The following COL24A1 variants were observed in gnomAD, a reference collection of about 807,000 sequenced individuals.
COL24A1 encodes the protein collagen type XXIV alpha 1 chain, also known as collagen alpha-1(XXIV) chain.
In COL24A1, 224 loss-of-function variants were observed where a neutral mutation model predicts 253.9. The ratio of observed to expected loss-of-function variants is 0.88; its 90% CI spans 0.79 to 0.99. The LOEUF is 0.99. Among genes scored for constraint, COL24A1 ranks in the 50% least tolerant of loss-of-function variants. The pLI is 0.00. For missense variants in COL24A1, 2,131 were observed against 2,068.5 expected, an observed-to-expected ratio of 1.03 and a Z score of -0.59; for synonymous variants, 685 against 673.7, an observed-to-expected ratio of 1.02 and a Z score of -0.26.
At chr1:86,019,395 T>A (rs1245594913) in intron 18 of COL24A1, among the ~76,000 whole-genome samples, 1 of 14,752 alleles carries the variant, frequency 6.8e-5, no homozygotes, top group Non-Finnish European at 1.0e-4. Flanking sequence ...GTTTCTACAA[T>A]TTTTTTTTTT....
chr1:86,061,385 T>A (rs190115935), intron 8 of COL24A1, among the ~76,000 whole-genome samples: 23 of 152,234 alleles, frequency 1.5e-4, no homozygotes, highest in Admixed American at 1.0e-3. Context: ...TGTAGGCCAC[T>A]ATCTATCTGG....
intron 12 of COL24A1, among the ~76,000 whole-genome samples, chr1:86,043,395 A>AAAATT (rs1239518530): frequency 6.6e-6 from 1 of 152,162 alleles, no homozygotes; most frequent in Non-Finnish European, 1.5e-5. Flanking sequence ...ATTAATTTAA[A>AAAATT]AAATTAAGGG....
intron 43 of COL24A1, among the ~76,000 whole-genome samples, chr1:85,833,249 C>G (rs1675559084): frequency 6.6e-6 from 1 of 152,048 alleles, no homozygotes; most frequent in Non-Finnish European, 1.5e-5. Context: ...CCAGAATCTA[C>G]AATGAACTCA....
chr1:86,035,246 C>T (rs1054402552), intron 12 of COL24A1, among the ~76,000 whole-genome samples: 3 of 152,198 alleles, frequency 2.0e-5, no homozygotes, highest in East Asian at 1.9e-4. Flanking sequence ...ATTTTACTTT[C>T]GTTGTCTTTG....
At chr1:86,097,865 C>T (rs1704130202) in intron 5 of COL24A1, among the ~76,000 whole-genome samples, 1 of 152,002 alleles carries the variant, frequency 6.6e-6, no homozygotes, top group African/African-American at 2.4e-5. Context: ...AACTCCAGAT[C>T]CAAATCCTAT....
chr1:85,819,500 A>G (rs542233015), intron 45 of COL24A1, among the ~76,000 whole-genome samples: 26 of 152,266 alleles, frequency 1.7e-4, no homozygotes, highest in African/African-American at 4.1e-4. Context: ...AAATAGTCCA[A>G]TGAAACTCAT....
rs367868871 is a variant in COL24A1 at position 85,734,911 on chromosome 1, C to T, written c.4836G>A (p.Ser1612=). 76 of 1,614,028 alleles carry T rather than the reference C, an allele frequency of 4.7e-5. No individual in the cohort carries two copies. Among genetic ancestry groups the T allele is most frequent in the African/African-American group, 3.5e-4 (26 of 74,908 alleles). Residue 1612 remains serine, a synonymous_variant, in exon 59 of 60, where the codon TCG becomes TCA. Transcript: ENST00000370571. ...VQMNFLHLLS[S]EATHIITIHC... ...GAATGGTGATGATATGGGTGGCTTCCGAACTCAGTAAATGAAGGAAGTTCA... is the reference window on the plus strand; with the variant it reads ...GAATGGTGATGATATGGGTGGCTTCTGAACTCAGTAAATGAAGGAAGTTCA...
At chr1:86,081,471 T>A (rs1317512386) in intron 7 of COL24A1, among the ~76,000 whole-genome samples, 2 of 152,212 alleles carry the variant, frequency 1.3e-5, no homozygotes, top group Admixed American at 1.3e-4. Context: ...CAGCTATTTG[T>A]TTTAAAATTC....
At chr1:85,775,353 T>G (rs1570561888) in intron 53 of COL24A1, among the ~76,000 whole-genome samples, 2 of 152,160 alleles carry the variant, frequency 1.3e-5, no homozygotes, top group South Asian at 4.1e-4. Flanking sequence ...TTCTGTTGAT[T>G]TGGGGTGGAG....
chr1:86,149,149 C>T (rs1652371932), intron 1 of COL24A1, among the ~76,000 whole-genome samples: 1 of 152,188 alleles, frequency 6.6e-6, no homozygotes. Flanking sequence ...CCTGCTTCAG[C>T]CTCCCAAAGT....
At chr1:85,831,790 C>G (rs1675321080) in intron 43 of COL24A1, among the ~76,000 whole-genome samples, 2 of 151,974 alleles carry the variant, frequency 1.3e-5, no homozygotes, top group Non-Finnish European at 2.9e-5. Flanking sequence ...TCTGACAGAA[C>G]ATGTTAGGTA....
At chr1:86,122,457 A>T (rs1477660621) in intron 3 of COL24A1, among the ~76,000 whole-genome samples, 1 of 151,996 alleles carries the variant, frequency 6.6e-6, no homozygotes, top group Non-Finnish European at 1.5e-5. Flanking sequence ...GTCAATAGAA[A>T]TACTCCCAAA....
rs1682885272 is a variant in COL24A1, at chr1:85,889,592, T to G, written c.2944A>C (p.Ser982Arg). 6.2e-7 allele frequency: 1 copy of G among 1,613,322 alleles called. No homozygotes were observed. Among genetic ancestry groups the G allele is most frequent in the African/African-American group, 1.3e-5 (1 of 75,014 alleles). The change falls in exon 32 of 60, where the codon AGT becomes CGT. Residue 982 changes from serine to arginine, a missense_variant. Physicochemically the swap from Ser to Arg is moderately radical, Grantham distance 110. Coordinates refer to ENST00000370571, the MANE Select transcript of COL24A1 (RefSeq NM_152890.7). Reference sequence around the variant, plus strand: ...CCTGGAAGTCCTCTGTCACCTGTACTTCCAGGCAATCCCTGTAAACCCTGG... The same window carrying G: ...CCTGGAAGTCCTCTGTCACCTGTACGTCCAGGCAATCCCTGTAAACCCTGG... Reference protein sequence around the residue: ...GKPGLQGLPGSTGDRGLPGEP... With the variant: ...GKPGLQGLPGRTGDRGLPGEP...
intron 24 of COL24A1, among the ~76,000 whole-genome samples, chr1:85,922,354 GAC>G (rs1686615991): frequency 6.6e-6 from 1 of 152,078 alleles, no homozygotes; most frequent in Non-Finnish European, 1.5e-5. Flanking sequence ...GCAACTCCAA[GAC>G]ACACAATTGT....
rs777672939 is a variant in COL24A1, at chr1:85,730,592, G to A, written c.5099C>T (p.Thr1700Ile). The change falls in exon 60 of 60, where the codon ACT (threonine) becomes ATT (isoleucine). Residue 1700 changes from threonine (T) to isoleucine (I), a missense_variant. By Grantham distance (89) the Thr-to-Ile change is moderately conservative (BLOSUM62 -1). Coordinates refer to ENST00000370571, the MANE Select transcript of COL24A1 (RefSeq NM_152890.7). ...IEVQKLPHLK[T>I]ERKYYIDSSS... ...GCTGTCAATGTAATACTTTCGTTCA[G>A]TTTTGAGATGAGGAAGTTTTTGTAC... 3 of 1,613,976 alleles carry A rather than the reference G, an allele frequency of 1.9e-6. No homozygotes were observed. Among genetic ancestry groups the A allele is most frequent in the South Asian group, 1.1e-5 (1 of 91,068 alleles).
intron 5 of COL24A1, among the ~76,000 whole-genome samples, chr1:86,094,713 C>A (rs1056077934): frequency 2.6e-5 from 4 of 151,828 alleles, no homozygotes; most frequent in Admixed American, 2.0e-4. Context: ...ATTAAGGCTA[C>A]AATTTTAGGT....
At chr1:86,108,054 C>T (rs1275307374) in intron 5 of COL24A1, among the ~76,000 whole-genome samples, 1 of 152,054 alleles carries the variant, frequency 6.6e-6, no homozygotes, top group East Asian at 1.9e-4. Context: ...AAAATTAAGT[C>T]CATCCTACTA....
intron 11 of COL24A1, among the ~76,000 whole-genome samples, 177 bp from the exon 12 acceptor site, chr1:86,047,046 T>C (rs751941449): frequency 1.3e-5 from 2 of 152,212 alleles, no homozygotes; most frequent in Non-Finnish European, 1.5e-5. Context: ...GCAGCCCCTT[T>C]CCTTCTTCAA....
chr1:86,050,527 C>T (rs998427641), intron 10 of COL24A1, among the ~76,000 whole-genome samples: 1 of 151,834 alleles, frequency 6.6e-6, no homozygotes, highest in Non-Finnish European at 1.5e-5. Flanking sequence ...ATAAGAAGTA[C>T]AGTGGAGGAA....
Sources: gnomAD v4.1 joint callset for allele counts (sites outside exome capture counted in the v4.1 genomes callset) on GRCh38, gnomAD v4.1.1 for gene constraint, MANE v1.5 for transcripts, NCBI Gene and HGNC (gene_info 2026-07-23, HGNC 2026-07-21) for gene names.